The following SPTBN5 variants were observed in gnomAD, a reference collection of about 807,000 sequenced individuals.
The protein encoded by SPTBN5 is spectrin beta chain, non-erythrocytic 5.
Under a neutral mutation model 477.6 loss-of-function variants are expected in SPTBN5, and 513 were observed. That is an observed-to-expected ratio of 1.07 (90% CI 1.00 to 1.16). The LOEUF is 1.16. Among genes scored for constraint, SPTBN5 ranks in the 50% most tolerant of loss-of-function variants. The pLI is 0.00. For missense variants in SPTBN5, 5,062 were observed against 4,731.8 expected, an observed-to-expected ratio of 1.07 and a Z score of -2.05; for synonymous variants, 2,169 against 2,011.7, an observed-to-expected ratio of 1.08 and a Z score of -2.09.
intron 2 of SPTBN5, 102 bp from the exon 3 acceptor site, chr15:41,893,163 G>A (rs1172320051): frequency 1.3e-6 from 2 of 1,570,176 alleles, no homozygotes; most frequent in Non-Finnish European, 1.7e-6. Flanking sequence ...TTTGGAAGAA[G>A]GAGCTCTGGC....
At chr15:41,867,196 C>T (rs992739603) in intron 35 of SPTBN5, 70 bp from the exon 36 acceptor site, 1 of 1,445,578 alleles carries the variant, frequency 6.9e-7, no homozygotes, top group Non-Finnish European at 9.1e-7. Flanking sequence ...GCAGGGCTCA[C>T]AGTCCTTTCT....
In SPTBN5 at chr15:41,866,496, G is replaced by C; in HGVS notation, c.6481-3C>G. 6.4e-7 allele frequency: 1 copy of C among 1,555,340 alleles called. No individual in the cohort carries two copies. The highest frequency in any genetic ancestry group is 8.7e-7 in the Non-Finnish European group (1 of 1,153,452). ...CACGCCTGGATCCAGTCCTCAGCCT[G>C]GTGGGGGTGGGACATGAATGCTGCA... On this transcript the variant is annotated splice_region_variant and splice_polypyrimidine_tract_variant and intron_variant, in intron 36 of 67. Coordinates refer to ENST00000320955, the MANE Select transcript of SPTBN5 (RefSeq NM_016642.4).
chr15:41,876,075 G>C (rs904627999), intron 21 of SPTBN5, 39 bp downstream of exon 21: 4 of 1,570,704 alleles, frequency 2.5e-6, no homozygotes, highest in Middle Eastern at 1.7e-4. Context: ...GGAATTTGAA[G>C]ACAAGGAGGC....
At chr15:41,868,374 G>T in intron 33 of SPTBN5, 24 bp downstream of exon 33, 1 of 1,589,416 alleles carries the variant, frequency 6.3e-7, no homozygotes, top group African/African-American at 1.3e-5. Context: ...AGGGTATGTG[G>T]GGGCACCAGG....
intron 36 of SPTBN5, 26 bp from the exon 37 acceptor site, chr15:41,866,519 G>A: frequency 6.6e-7 from 1 of 1,512,338 alleles, no homozygotes; most frequent in Non-Finnish European, 8.8e-7. Context: ...CATGAATGCT[G>A]CAATGTTCTG....
chr15:41,868,362 C>A (rs1324336105), intron 33 of SPTBN5, 36 bp downstream of exon 33: 9 of 1,584,846 alleles, frequency 5.7e-6, no homozygotes, highest in Non-Finnish European at 7.7e-6. Context: ...GCTTGGTCAG[C>A]TAGGGTATGT....
rs1420808230 is a variant in SPTBN5 at position 41,886,685 on chromosome 15, G to A, written c.889-319C>T. Among the ~76,000 whole-genome samples, 7 of 152,182 alleles carry A rather than the reference G, an allele frequency of 4.6e-5. No homozygotes were observed. In the East Asian group the frequency reaches 1.4e-3, roughly 29 times the overall value. On this transcript the variant is annotated intron_variant, in intron 6 of 67. Transcript: ENST00000320955. Reference sequence around the variant, plus strand: ...TTTCTAGGCCGCCTTTCCCTTCCCTGAGCCTCCTACCCCATAAAGCAGCTC... The same window carrying A: ...TTTCTAGGCCGCCTTTCCCTTCCCTAAGCCTCCTACCCCATAAAGCAGCTC...
At position 41,879,723 on chromosome 15, in the gene SPTBN5, C is replaced by T. The variant is rs771014677; in HGVS notation, c.2942+11G>A. 1.9e-5 allele frequency: 30 copies of T among 1,613,268 alleles called. No individual in the cohort carries two copies. In the East Asian group the frequency reaches 5.3e-4, roughly 29 times the overall value. The stretch of plus-strand genomic sequence containing the variant: ...CCTGCCTCACCACCTGCACTCCTGC[C>T]TCATTCTCACCTCTGGCTCAGTTCC... On this transcript the variant is annotated intron_variant, in intron 15 of 67. Coordinates refer to ENST00000320955, the MANE Select transcript of SPTBN5 (RefSeq NM_016642.4).
At chr15:41,880,362 G>T in intron 13 of SPTBN5, 50 bp from the exon 14 acceptor site, 1 of 1,533,360 alleles carries the variant, frequency 6.5e-7, no homozygotes, top group Non-Finnish European at 8.8e-7. Flanking sequence ...CCCCCGACAG[G>T]GCTCTCAGAG....
Position 41,848,175 on chromosome 15 carries a change from C to A in SPTBN5, c.*441G>T. 1.9e-6 allele frequency: 1 copy of A among 524,564 alleles called. No individual in the cohort carries two copies. 32.5% of individuals were successfully genotyped at this position (524,564 alleles called of 1,614,324 possible). A position where few individuals can be genotyped will look rare whatever the true frequency, so the allele number is the denominator to read the frequency against. ...GCGCTGAGACCATCTGTTATTACTG[C>A]TGAGAAGGGCCATGTCATTCTAGGC... is the stretch of plus-strand genomic sequence containing the variant. On this transcript the variant is annotated 3_prime_UTR_variant, in exon 68 of 68. Coordinates refer to ENST00000320955, the MANE Select transcript of SPTBN5 (RefSeq NM_016642.4).
At chr15:41,859,322 C>A (rs1006365926) in intron 47 of SPTBN5, among the ~76,000 whole-genome samples, 2 of 152,134 alleles carry the variant, frequency 1.3e-5, no homozygotes, top group Non-Finnish European at 2.9e-5. Context: ...CCAGGCCCAG[C>A]TAAATTTTGT....
rs545112068 is a variant in SPTBN5, at chr15:41,866,160, G to T, written c.6700C>A (p.Arg2234=). 16 of 1,565,020 alleles carry T rather than the reference G, an allele frequency of 1.0e-5. No homozygotes were observed. The Admixed American group carries it at 2.8e-4, about 28-fold the overall frequency. ...TGCCTCAGGTCCTCCCAGTGCTTCC[G>T]CAGGCCCTGCAGCCGCTGGGAGACC... ...GEVSQRLQGL[R]KHWEDLRQAM... is the part of the protein sequence containing the mutation. Residue 2234 remains arginine (R), a synonymous_variant, in exon 38 of 68, where the codon CGG becomes AGG. Coordinates refer to ENST00000320955, the MANE Select transcript of SPTBN5 (RefSeq NM_016642.4).
At chr15:41,882,232 G>GGCCCC in intron 11 of SPTBN5, 37 bp downstream of exon 11, 9 of 1,254,118 alleles carry the variant, frequency 7.2e-6, no homozygotes, top group South Asian at 1.6e-5. Context: ...GCCTCGCCGG[G>GGCCCC]CCCCGCCCCC....
Position 41,870,284 on chromosome 15 carries a change from G to A in SPTBN5, c.5632C>T (p.His1878Tyr), listed in dbSNP as rs1312509521. The change falls in exon 31 of 68, where the codon CAC (histidine) becomes TAC (tyrosine). Residue 1878 changes from histidine to tyrosine, a missense_variant. His to Tyr is a moderately conservative substitution (Grantham distance 83, BLOSUM62 2). Coordinates refer to ENST00000320955, the MANE Select transcript of SPTBN5 (RefSeq NM_016642.4). ...LCGLEAQLRS[H>Y]QGLERELVGT... The stretch of plus-strand genomic sequence containing the variant: ...ACGAGTTCTCGCTCCAGCCCCTGGT[G>A]GCTTCTCAGCTGCGCCTCCAGCCCA... 1 of 1,554,742 alleles carries A rather than the reference G, an allele frequency of 6.4e-7. No individual in the cohort carries two copies. The highest frequency in any genetic ancestry group is 8.7e-7 in the Non-Finnish European group (1 of 1,149,390).
intron 4 of SPTBN5, among the ~76,000 whole-genome samples, chr15:41,889,602 G>A (rs576321752): frequency 6.6e-6 from 1 of 152,070 alleles, no homozygotes; most frequent in Non-Finnish European, 1.5e-5. Flanking sequence ...GATCCAGTGT[G>A]GGGGAAAGAG....
rs1324993170 is a variant in SPTBN5, at chr15:41,885,885, G to A, written c.1370C>T (p.Ala457Val). The A allele has an allele frequency of 2.5e-6, 4 of 1,582,144 alleles. No homozygotes were observed. The South Asian group carries it at 3.5e-5, about 14-fold the overall frequency. ...GGCTGCCTCCACTGTGGCCAGGCTG[G>A]CTGGCGGGGCTCTGGCCTGGTCTAG... ...QVLDQARAPP[A>V]SLATVEAAVQ... The change falls in exon 7 of 68, where the codon GCC (alanine) becomes GTC (valine). Residue 457 changes from alanine (A) to valine (V), a missense_variant. Coordinates refer to ENST00000320955, the MANE Select transcript of SPTBN5 (RefSeq NM_016642.4).
intron 49 of SPTBN5, among the ~76,000 whole-genome samples, chr15:41,858,230 G>A (rs1005929201): frequency 9.9e-5 from 15 of 152,144 alleles, no homozygotes; most frequent in Non-Finnish European, 1.9e-4. Flanking sequence ...CCTGGGAGGC[G>A]GAGGTTGCAG....
intron 48 of SPTBN5, 53 bp downstream of exon 48, chr15:41,858,837 C>G (rs1395084826): frequency 1.9e-6 from 3 of 1,545,748 alleles, no homozygotes; most frequent in Admixed American, 3.8e-5. Context: ...TGGCCTTTCC[C>G]TGGGTCGACT....
At chr15:41,880,070 G>A in intron 14 of SPTBN5, 90 bp downstream of exon 14, 1 of 1,472,628 alleles carries the variant, frequency 6.8e-7, no homozygotes, top group Non-Finnish European at 9.1e-7. Flanking sequence ...AGGCAGGACG[G>A]TAGTTAAATT....
Sources: allele counts gnomAD v4.1 joint callset (sites outside exome capture counted in the v4.1 genomes callset), GRCh38; gene constraint gnomAD v4.1.1; transcripts MANE v1.5; gene names NCBI Gene and HGNC (gene_info 2026-07-23, HGNC 2026-07-21).